DCC: variants seen among roughly 807,000 people sequenced by gnomAD.
The protein encoded by DCC is DCC netrin 1 receptor, also known as netrin receptor DCC.
In DCC, 58 loss-of-function variants were observed where a neutral mutation model predicts 172.5. The observed-to-expected ratio is 0.34, with a 90% CI of 0.27 to 0.42. The LOEUF (loss-of-function observed/expected upper bound fraction) is 0.42. Among genes scored for constraint, DCC ranks in the 10% least tolerant of loss-of-function variants. The pLI is 1.00. For synonymous variants in DCC, 709 were observed against 644.5 expected, an observed-to-expected ratio of 1.10 and a Z score of -1.52; for missense variants, 1,740 against 1,791.0, an observed-to-expected ratio of 0.97 and a Z score of 0.51.
At chr18:52,571,339 G>A (rs1209408235) in intron 1 of DCC, among the ~76,000 whole-genome samples, 5 of 151,890 alleles carry the variant, frequency 3.3e-5, no homozygotes, top group Non-Finnish European at 2.9e-5. Flanking sequence ...TATATATTAC[G>A]GGTAACTTCC....
chr18:53,166,594 G>T (rs2054926063), intron 8 of DCC, among the ~76,000 whole-genome samples: 1 of 152,122 alleles, frequency 6.6e-6, no homozygotes, highest in South Asian at 2.1e-4. Context: ...CTCATTATTT[G>T]CAGTTACAGT....
intron 11 of DCC, among the ~76,000 whole-genome samples, chr18:53,212,027 A>G (rs1311302899): frequency 6.6e-6 from 1 of 152,150 alleles, no homozygotes; most frequent in Non-Finnish European, 1.5e-5. Flanking sequence ...CAGCCTGGGC[A>G]ACAGAGAGAA....
In DCC at chr18:53,104,281, G is replaced by C. The variant is rs190566376; in HGVS notation, c.1261+38115G>C. Among the ~76,000 whole-genome samples, 28 of 152,120 alleles carry C rather than the reference G, an allele frequency of 1.8e-4. No homozygotes were observed. The East Asian group carries it at 4.7e-3, about 25-fold the overall frequency. Reference sequence around the variant, plus strand: ...CCCAAATCTTGTCCTGAATACTCACGTGTTGTGGGAGGGAGCCTGTAGGAG... The same window carrying C: ...CCCAAATCTTGTCCTGAATACTCACCTGTTGTGGGAGGGAGCCTGTAGGAG... On this transcript the variant is annotated intron_variant, in intron 7 of 28. Transcript: ENST00000442544.
At chr18:53,213,265 CA>C (rs1172526876) in intron 11 of DCC, among the ~76,000 whole-genome samples, 1 of 151,970 alleles carries the variant, frequency 6.6e-6, no homozygotes, top group Non-Finnish European at 1.5e-5. Context: ...ACTAATTGAT[CA>C]AAAAGTTAGT....
At chr18:52,407,896 A>G (rs1986707768) in intron 1 of DCC, among the ~76,000 whole-genome samples, 1 of 152,114 alleles carries the variant, frequency 6.6e-6, no homozygotes, top group African/African-American at 2.4e-5. Context: ...CAATGAGATA[A>G]TCAAAAAATT....
intron 2 of DCC, among the ~76,000 whole-genome samples, chr18:52,861,854 T>A (rs994006579): frequency 5.3e-5 from 8 of 152,164 alleles, no homozygotes; most frequent in African/African-American, 1.9e-4. Flanking sequence ...CAGGGTACAT[T>A]CTGTAAAATT....
intron 2 of DCC, among the ~76,000 whole-genome samples, chr18:52,860,334 G>A (rs2039121019): frequency 6.6e-6 from 1 of 152,178 alleles, no homozygotes; most frequent in South Asian, 2.1e-4. Context: ...AAGTTGTGTA[G>A]CTTCAGTGTG....
chr18:52,715,290 C>CTT (rs1242700384), intron 1 of DCC, among the ~76,000 whole-genome samples: 2 of 16,032 alleles, frequency 1.2e-4, no homozygotes, highest in Admixed American at 1.2e-3. Flanking sequence ...TACATTTTTT[C>CTT]TTTTCTTTTT....
At chr18:53,194,521 G>A (rs2055415252) in intron 9 of DCC, among the ~76,000 whole-genome samples, 1 of 151,650 alleles carries the variant, frequency 6.6e-6, no homozygotes, top group Admixed American at 6.6e-5. Flanking sequence ...AGGCTGGAGT[G>A]TGCAATGGCA....
chr18:53,462,787 C>T (rs1427146815), intron 24 of DCC, among the ~76,000 whole-genome samples: 1 of 152,102 alleles, frequency 6.6e-6, no homozygotes, highest in African/African-American at 2.4e-5. Context: ...TACCACCTAA[C>T]ACAGCTCTTC....
At chr18:53,149,073 G>T (rs1455904480) in intron 7 of DCC, among the ~76,000 whole-genome samples, 1 of 151,702 alleles carries the variant, frequency 6.6e-6, no homozygotes, top group African/African-American at 2.4e-5. Flanking sequence ...ATCTTGGCCA[G>T]GCTAGTCTTG....
At chr18:53,077,925 A>G (rs1460119213) in intron 7 of DCC, among the ~76,000 whole-genome samples, 1 of 152,180 alleles carries the variant, frequency 6.6e-6, no homozygotes, top group East Asian at 1.9e-4. Context: ...TCAACTTTCC[A>G]ATATGATAGG....
At chr18:53,421,396 T>C (rs1377780894) in intron 21 of DCC, among the ~76,000 whole-genome samples, 8 of 152,154 alleles carry the variant, frequency 5.3e-5, no homozygotes, top group African/African-American at 1.4e-4. Context: ...AATGCTCACT[T>C]TGAGCACTCT....
At chr18:53,037,187 G>A (rs2042106103) in intron 5 of DCC, among the ~76,000 whole-genome samples, 1 of 151,958 alleles carries the variant, frequency 6.6e-6, no homozygotes, top group Non-Finnish European at 1.5e-5. Flanking sequence ...AACTGCAAGT[G>A]AAGCCATCCT....
At chr18:52,401,291 A>G (rs1986430790) in intron 1 of DCC, among the ~76,000 whole-genome samples, 1 of 151,960 alleles carries the variant, frequency 6.6e-6, no homozygotes, top group African/African-American at 2.4e-5. Flanking sequence ...CTGAATTTGC[A>G]TGGCATAGAA....
intron 7 of DCC, among the ~76,000 whole-genome samples, chr18:53,132,750 T>C (rs1451891614): frequency 6.6e-6 from 1 of 152,126 alleles, no homozygotes; most frequent in African/African-American, 2.4e-5. Context: ...TGCAAGCATG[T>C]CAGGCCAGGG....
Position 53,337,415 on chromosome 18 carries a change from A to C in DCC, c.2165-2298A>C, listed in dbSNP as rs2057603841. Among the ~76,000 whole-genome samples the C allele has an allele frequency of 1.3e-5, 2 of 152,234 alleles. 1 individual carries two copies. ...ATTACATTTCAAGGGCACTGGTGAG[A>C]CTGTGGCAGTAGGGTTGAAAACTAT... On this transcript the variant is annotated intron_variant, in intron 14 of 28. Coordinates refer to ENST00000442544, the MANE Select transcript of DCC (RefSeq NM_005215.4).
At chr18:53,298,489 C>G (rs2144764630) in intron 12 of DCC, among the ~76,000 whole-genome samples, 1 of 125,706 alleles carries the variant, frequency 8.0e-6, no homozygotes. Flanking sequence ...GATTGCACCA[C>G]TGCACTCCAG....
At chr18:53,258,811 G>T (rs996493309) in intron 12 of DCC, among the ~76,000 whole-genome samples, 1 of 152,112 alleles carries the variant, frequency 6.6e-6, no homozygotes, top group African/African-American at 2.4e-5. Context: ...TGACAGTGGG[G>T]TGTTAAAGTC....
Sources: allele counts gnomAD v4.1 joint callset (sites outside exome capture counted in the v4.1 genomes callset), GRCh38; gene constraint gnomAD v4.1.1; transcripts MANE v1.5; gene names NCBI Gene and HGNC (gene_info 2026-07-23, HGNC 2026-07-21).